Variants in IQCM observed in about 807,000 individuals in gnomAD.
IQCM encodes IQ domain-containing protein M.
A neutral mutation model predicts 57.6 loss-of-function variants in IQCM; 45 were observed. The ratio of observed to expected loss-of-function variants is 0.78; its 90% confidence interval spans 0.62 to 1.00. IQCM has a LOEUF of 1.00. IQCM is among the 50% of genes least tolerant of loss of function. The pLI is 0.00. For missense variants in IQCM, 468 were observed against 511.6 expected, an observed-to-expected ratio of 0.91 and a Z score of 0.82; for synonymous variants, 148 against 158.9, an observed-to-expected ratio of 0.93 and a Z score of 0.51.
At chr4:149,353,486 A>AT in intron 13 of IQCM, among the ~76,000 whole-genome samples, 1 of 152,346 alleles carries the variant, frequency 6.6e-6, no homozygotes, top group East Asian at 1.9e-4. Context: ...CTACACGTGC[A>AT]CATTCACTGC....
intron 2 of IQCM, among the ~76,000 whole-genome samples, chr4:149,770,526 A>G (rs1770475864): frequency 6.6e-6 from 1 of 152,266 alleles, no homozygotes; most frequent in East Asian, 1.9e-4. Context: ...ATGAACATAG[A>G]TGCAAAATAA....
At chr4:149,576,845 C>T (rs1751706841) in intron 9 of IQCM, among the ~76,000 whole-genome samples, 1 of 151,948 alleles carries the variant, frequency 6.6e-6, no homozygotes, top group African/African-American at 2.4e-5. Context: ...AACCAATTTA[C>T]ATTCCCACCA....
At chr4:149,678,785 A>G (rs1037437932) in intron 7 of IQCM, among the ~76,000 whole-genome samples, 3 of 151,706 alleles carry the variant, frequency 2.0e-5, no homozygotes, top group Non-Finnish European at 4.4e-5. Context: ...GCCAATAGGC[A>G]TATGAAAAAT....
At chr4:149,454,613 AAAAT>A (rs1560860008) in intron 12 of IQCM, among the ~76,000 whole-genome samples, 1 of 152,044 alleles carries the variant, frequency 6.6e-6, no homozygotes, top group Non-Finnish European at 1.5e-5. Flanking sequence ...CTCTGAAACT[AAAAT>A]AAAAGGTTTT....
At chr4:149,639,940 A>G (rs1758047251) in intron 7 of IQCM, among the ~76,000 whole-genome samples, 3 of 152,212 alleles carry the variant, frequency 2.0e-5, no homozygotes, top group Admixed American at 6.5e-5. Flanking sequence ...TTAAAATAAA[A>G]TATTTGCAAA....
intron 9 of IQCM, among the ~76,000 whole-genome samples, chr4:149,580,979 C>A (rs1336939744): frequency 6.6e-6 from 1 of 151,360 alleles, no homozygotes; most frequent in Non-Finnish European, 1.5e-5. Context: ...AAAAAAATTC[C>A]CCTGTCCTTA....
At position 149,657,956 on chromosome 4, in the gene IQCM, A is replaced by G. The variant is rs144828974; in HGVS notation, c.565+24162T>C. Among the ~76,000 whole-genome samples the G allele has an allele frequency of 1.1e-3, 166 of 151,796 alleles. 1 individual carries two copies. The Middle Eastern group carries it at 0.014, about 12-fold the overall frequency. On this transcript the variant is annotated intron_variant, in intron 7 of 13. Transcript: ENST00000636793. ...CTCCCATTCTGTAGGTTGTCTCTTT[A>G]TGCTATTATTTTGTTTGTTTTGGAT...
Position 149,700,487 on chromosome 4 carries a change from A to G in IQCM, c.386-14019T>C, listed in dbSNP as rs189908981. Among the ~76,000 whole-genome samples the G allele has an allele frequency of 5.8e-4, 88 of 152,008 alleles. 2 individuals carry two copies. Among genetic ancestry groups the G allele is most frequent in the African/African-American group, 2.0e-3 (81 of 41,484 alleles). On this transcript the variant is annotated intron_variant, in intron 5 of 13. Coordinates refer to ENST00000636793, the MANE Select transcript of IQCM (RefSeq NM_001363507.2). ...TTCTCGGTACCTTTACGGCTTCAGC[A>G]CTATTCTCTTTTAGCTCACAGCTGG...
intron 13 of IQCM, among the ~76,000 whole-genome samples, chr4:149,380,648 C>A (rs1489632569): frequency 6.6e-6 from 1 of 152,086 alleles, no homozygotes; most frequent in Non-Finnish European, 1.5e-5. Flanking sequence ...CTGTTTGACA[C>A]TGCTGCCATA....
At chr4:149,661,427 G>C (rs1217553201) in intron 7 of IQCM, among the ~76,000 whole-genome samples, 1 of 152,042 alleles carries the variant, frequency 6.6e-6, no homozygotes. Flanking sequence ...TGTTGTTGTT[G>C]TGTCCTTGTC....
chr4:149,439,926 C>G (rs2111322216), intron 12 of IQCM, among the ~76,000 whole-genome samples: 1 of 150,816 alleles, frequency 6.6e-6, no homozygotes, highest in East Asian at 2.0e-4. Context: ...CCTCACAGGT[C>G]AGATGCACGA....
intron 2 of IQCM, among the ~76,000 whole-genome samples, chr4:149,785,914 C>A (rs1200653085): frequency 1.3e-5 from 2 of 151,884 alleles, no homozygotes; most frequent in Non-Finnish European, 2.9e-5. Context: ...TCCTGGCTTA[C>A]AATGATGTAA....
At chr4:149,648,775 C>A (rs1185051124) in intron 7 of IQCM, among the ~76,000 whole-genome samples, 1 of 151,954 alleles carries the variant, frequency 6.6e-6, no homozygotes, top group African/African-American at 2.4e-5. Context: ...GGAGGGATAG[C>A]ATTAGCAGAT....
At chr4:149,442,413 A>G (rs944386424) in intron 12 of IQCM, among the ~76,000 whole-genome samples, 6 of 152,034 alleles carry the variant, frequency 3.9e-5, no homozygotes, top group Non-Finnish European at 8.8e-5. Flanking sequence ...AACAACAACA[A>G]AAAAAACCCA....
chr4:149,373,674 C>A (rs1730516138), intron 13 of IQCM, among the ~76,000 whole-genome samples: 1 of 151,518 alleles, frequency 6.6e-6, no homozygotes, highest in Admixed American at 6.6e-5. Context: ...TAATCTTAGG[C>A]CCAGGAATTA....
At position 149,621,199 on chromosome 4, in the gene IQCM, A is replaced by G; in HGVS notation, c.611T>C (p.Phe204Ser). 1 of 1,232,042 alleles carries G rather than the reference A, an allele frequency of 8.1e-7. No homozygotes were observed. The highest frequency in any genetic ancestry group is 1.0e-6 in the Non-Finnish European group (1 of 987,846). 76.3% of individuals were successfully genotyped at this position (1,232,042 alleles called of 1,614,324 possible). Residue 204 changes from phenylalanine (F) to serine (S), a missense_variant, in exon 8 of 14, where the codon TTC becomes TCC. By Grantham distance (155) the Phe-to-Ser change is radical (BLOSUM62 -2). Transcript: ENST00000636793. ...TCGACGGGAGTCACAAGCCAAACGGAAAGACCTTGTCAGCACAAATCCTCT... is the reference window on the plus strand; with the variant it reads ...TCGACGGGAGTCACAAGCCAAACGGGAAGACCTTGTCAGCACAAATCCTCT... ...DWRGFVLTRS[F>S]RLACDSRRVS... is the part of the protein sequence containing the mutation.
rs1771884119 is a variant in IQCM at position 149,784,368 on chromosome 4, AC to A, written c.-49+30942del. Reference sequence around the variant, plus strand: ...CCCCAGATATCCTCCTTAGCTCACAACCCTCACCTTCTTTAGATCCTTAGTC... The same window carrying A: ...CCCCAGATATCCTCCTTAGCTCACAACCTCACCTTCTTTAGATCCTTAGTC... On this transcript the variant is annotated intron_variant, in intron 2 of 13. Coordinates refer to ENST00000636793, the MANE Select transcript of IQCM (RefSeq NM_001363507.2). Among the ~76,000 whole-genome samples the A allele has an allele frequency of 2.0e-5, 3 of 152,210 alleles. No individual in the cohort carries two copies. The South Asian group carries it at 6.2e-4, about 32-fold the overall frequency.
chr4:149,505,941 A>G (rs898995470), intron 12 of IQCM, among the ~76,000 whole-genome samples: 1 of 152,226 alleles, frequency 6.6e-6, no homozygotes, highest in Admixed American at 6.5e-5. Context: ...AAAACATTCT[A>G]AATTTGTTAA....
intron 13 of IQCM, among the ~76,000 whole-genome samples, chr4:149,394,082 A>C (rs1732053046): frequency 6.6e-6 from 1 of 152,008 alleles, no homozygotes; most frequent in Non-Finnish European, 1.5e-5. Flanking sequence ...AGCATGTCCA[A>C]TGCCATACTT....
Sources: allele counts gnomAD v4.1 joint callset (sites outside exome capture counted in the v4.1 genomes callset), GRCh38; gene constraint gnomAD v4.1.1; transcripts MANE v1.5; gene names NCBI Gene and HGNC (gene_info 2026-07-23, HGNC 2026-07-21).